Variants in GTF3C1 observed in about 807,000 individuals in gnomAD.
GTF3C1 encodes general transcription factor 3C polypeptide 1.
GTF3C1 carries 57 observed loss-of-function variants against 226.7 expected under a neutral mutation model. The ratio of observed to expected loss-of-function variants is 0.25; its 90% CI spans 0.20 to 0.31. The LOEUF is 0.31. GTF3C1 is among the 10% of genes least tolerant of loss of function. The pLI is 1.00. For synonymous variants in GTF3C1, 1,090 were observed against 1,084.8 expected (o/e 1.00, Z -0.09); for missense variants, 2,217 against 2,776.1 (o/e 0.80, Z 4.53).
intron 6 of GTF3C1, among the ~76,000 whole-genome samples, chr16:27,526,870 G>A (rs1358820396): frequency 6.6e-6 from 1 of 152,176 alleles, no homozygotes; most frequent in Non-Finnish European, 1.5e-5. Context: ...AAATGATTCT[G>A]GTTAATCAGG....
chr16:27,518,968 C>T (rs1452311273), intron 6 of GTF3C1, among the ~76,000 whole-genome samples: 1 of 152,198 alleles, frequency 6.6e-6, no homozygotes, highest in African/African-American at 2.4e-5. Flanking sequence ...CTCTGGTTGG[C>T]TGACTACTAG....
chr16:27,470,405 A>C lies in GTF3C1; in HGVS notation c.4527-10T>G. On this transcript the variant is annotated splice_polypyrimidine_tract_variant and intron_variant, in intron 30 of 36. Coordinates refer to ENST00000356183, the MANE Select transcript of GTF3C1 (RefSeq NM_001520.4). This position sits in a 1 kb window ranked among gnomAD's most constrained non-coding sequence, Gnocchi z 4.9. ...TCGCCACGTAAAAATCCTACAGACA[A>C]AAAGAAAGGAAGGGCCTGACTGAGG... 1 of 1,610,474 alleles carries C rather than the reference A, an allele frequency of 6.2e-7. No homozygotes were observed. Among genetic ancestry groups the C allele is most frequent in the Non-Finnish European group, 8.5e-7 (1 of 1,177,830 alleles).
chr16:27,493,291 G>A lies in GTF3C1; in HGVS notation c.2784C>T (p.Asp928=), dbSNP rs1209401499. Residue 928 remains aspartate (D), a synonymous_variant, in exon 17 of 37, where the codon GAC becomes GAT. Transcript: ENST00000356183. Reference sequence around the variant, plus strand: ...GGTCGTTCAGAAATTCCTCCAGGTTGTCCACCTGAAGAGGTGATGTGCAGG... The same window carrying A: ...GGTCGTTCAGAAATTCCTCCAGGTTATCCACCTGAAGAGGTGATGTGCAGG... ...IQIVQVSYKV[D]NLEEFLNDPL... is the part of the protein sequence containing the mutation. 1 of 1,583,014 alleles carries A rather than the reference G, an allele frequency of 6.3e-7. No homozygotes were observed. The highest frequency in any genetic ancestry group is 1.7e-5 in the Admixed American group (1 of 60,000).
In GTF3C1 at chr16:27,507,049, G is replaced by A. The variant is rs780385179; in HGVS notation, c.1350C>T (p.Ser450=). The A allele has an allele frequency of 9.9e-6, 16 of 1,613,434 alleles. No individual in the cohort carries two copies. The highest frequency in any genetic ancestry group is 5.3e-5 in the African/African-American group (4 of 74,852). ...CCAGGCTCACGGTGGTCAAGAGCTCGCTGCGGGCCTTCTCTCTTTGGTACT... is the reference window on the plus strand; with the variant it reads ...CCAGGCTCACGGTGGTCAAGAGCTCACTGCGGGCCTTCTCTCTTTGGTACT... The part of the protein sequence containing the change: ...SRQYQREKAR[S]ELLTTVSLAS... Residue 450 remains serine (S), a synonymous_variant, in exon 9 of 37, where the codon AGC becomes AGT. Transcript: ENST00000356183. This position sits in a 1 kb window ranked among gnomAD's most constrained non-coding sequence, Gnocchi z 4.9.
intron 8 of GTF3C1, 88 bp downstream of exon 8, chr16:27,508,452 C>A: frequency 3.9e-6 from 4 of 1,013,530 alleles, no homozygotes; most frequent in Non-Finnish European, 6.2e-6. Context: ...GTCAGGCCAT[C>A]GAGTCTTCTG....
intron 7 of GTF3C1, among the ~76,000 whole-genome samples, chr16:27,509,467 C>G (rs983179563): frequency 6.6e-6 from 1 of 152,156 alleles, no homozygotes; most frequent in African/African-American, 2.4e-5. Flanking sequence ...TCAGAAGTAT[C>G]TTCCTCTTGG....
chr16:27,537,418 AT>A (rs1283516516), intron 4 of GTF3C1, among the ~76,000 whole-genome samples: 1 of 152,012 alleles, frequency 6.6e-6, no homozygotes, highest in Admixed American at 6.6e-5. Flanking sequence ...TTCTATTATT[AT>A]TTTTTTAAGA....
chr16:27,530,743 A>T (rs1343712104), intron 5 of GTF3C1, among the ~76,000 whole-genome samples: 1 of 152,064 alleles, frequency 6.6e-6, no homozygotes, highest in Non-Finnish European at 1.5e-5. Flanking sequence ...CATTCAGCAA[A>T]TATTTACTGA....
At chr16:27,534,317 G>A (rs974938857) in intron 4 of GTF3C1, among the ~76,000 whole-genome samples, 1 of 152,210 alleles carries the variant, frequency 6.6e-6, no homozygotes. Context: ...AAGTCTAGTG[G>A]GAGCTCAGGG....
At chr16:27,494,578 T>A (rs73533018) in intron 16 of GTF3C1, among the ~76,000 whole-genome samples, 185 bp downstream of exon 16, 2,708 of 152,228 alleles carry the variant, frequency 0.018, 73 homozygotes, top group African/African-American at 0.061. Context: ...TCTAGTCTAA[T>A]CTATCTCGAA....
At chr16:27,495,610 TCTTA>T in intron 14 of GTF3C1, 118 bp from the exon 15 acceptor site, 2 of 868,408 alleles carry the variant, frequency 2.3e-6, no homozygotes, top group Non-Finnish European at 3.6e-6. Context: ...TGGCAAATAT[TCTTA>T]CTGTCTTAGA....
intron 14 of GTF3C1, among the ~76,000 whole-genome samples, chr16:27,495,785 C>T (rs780481642): frequency 6.6e-6 from 1 of 152,186 alleles, no homozygotes; most frequent in Non-Finnish European, 1.5e-5. Context: ...GAACTCCAGT[C>T]GGTGAAGGAG....
intron 1 of GTF3C1, 41 bp downstream of exon 1, chr16:27,549,629 G>T: frequency 2.6e-6 from 2 of 780,658 alleles, no homozygotes; most frequent in Non-Finnish European, 4.2e-6. Context: ...CCCGGGCCCT[G>T]CGCCCGCCCG....
At chr16:27,512,058 T>C (rs1344189017) in intron 6 of GTF3C1, among the ~76,000 whole-genome samples, 157 bp from the exon 7 acceptor site, 1 of 152,184 alleles carries the variant, frequency 6.6e-6, no homozygotes, top group Non-Finnish European at 1.5e-5. Flanking sequence ...AAATGGCTCA[T>C]CTTGGGCCAC....
At chr16:27,537,214 T>G (rs1252027029) in intron 4 of GTF3C1, among the ~76,000 whole-genome samples, 1 of 152,238 alleles carries the variant, frequency 6.6e-6, no homozygotes, top group Non-Finnish European at 1.5e-5. Flanking sequence ...TCTGACTTAC[T>G]TGTATTTTTA....
intron 32 of GTF3C1, chr16:27,466,005 C>T (rs2087781854): frequency 5.8e-6 from 1 of 173,030 alleles, no homozygotes; most frequent in Admixed American, 5.4e-5. Flanking sequence ...GGGCTGGCTA[C>T]TGTTGCTTCC....
chr16:27,468,390 G>A (rs914545575), intron 32 of GTF3C1, among the ~76,000 whole-genome samples: 31 of 152,216 alleles, frequency 2.0e-4, no homozygotes, highest in Non-Finnish European at 3.8e-4. Context: ...AGGCCATGGC[G>A]GGAGAATCCC....
At chr16:27,490,865 A>T (rs528166511) in intron 19 of GTF3C1, among the ~76,000 whole-genome samples, 1 of 152,316 alleles carries the variant, frequency 6.6e-6, no homozygotes, top group Non-Finnish European at 1.5e-5. Flanking sequence ...TATTGAATGA[A>T]GGGACAATCA....
rs768799077 is a variant in GTF3C1, at chr16:27,505,980, G to A, written c.1689C>T (p.Asn563=). ...CCGCACAGTGGGAGACAAAGGACAC[G>A]TTGGGTTCTGAGACGCTGCTGGTAT... The part of the protein sequence containing the change: ...LLDTSSVSEP[N]VSFVSHCADS... Residue 563 remains asparagine (N), a synonymous_variant, in exon 10 of 37, where the codon AAC becomes AAT. Coordinates refer to ENST00000356183, the MANE Select transcript of GTF3C1 (RefSeq NM_001520.4). 1.8e-5 allele frequency: 29 copies of A among 1,613,142 alleles called. No homozygotes were observed. Among genetic ancestry groups the A allele is most frequent in the East Asian group, 2.2e-5 (1 of 44,892 alleles).
Sources: allele counts gnomAD v4.1 joint callset (sites outside exome capture counted in the v4.1 genomes callset), GRCh38; gene constraint gnomAD v4.1.1; non-coding constraint Gnocchi (gnomAD v3.1); transcripts MANE v1.5; gene names NCBI Gene and HGNC (gene_info 2026-07-23, HGNC 2026-07-21).